Variants in CSMD3 observed in about 807,000 individuals in gnomAD.
CSMD3 encodes CUB and Sushi multiple domains 3.
CSMD3 carries 177 observed loss-of-function variants against 435.2 expected under a neutral mutation model. That is an observed-to-expected ratio of 0.41 (90% confidence interval 0.36 to 0.46). The LOEUF (loss-of-function observed/expected upper bound fraction) is 0.46. Among genes scored for constraint, CSMD3 ranks in the 20% least tolerant of loss-of-function variants. The pLI is 0.34. For missense variants in CSMD3, 4,265 were observed against 4,504.6 expected, an observed-to-expected ratio of 0.95 and a Z score of 1.52; for synonymous variants, 1,656 against 1,520.5, an observed-to-expected ratio of 1.09 and a Z score of -2.07.
At chr8:112,417,557 CTATACATCAGTATTTAGTAAAAAAGA>C in intron 32 of CSMD3, among the ~76,000 whole-genome samples, 1 of 152,118 alleles carries the variant, frequency 6.6e-6, no homozygotes, top group East Asian at 1.9e-4. Flanking sequence ...TGTCTGCTTT[CTATACATCAGTATTTAGTAAAAAAGA>C]TAGAACTGCC....
chr8:112,899,639 A>G (rs1587618413), intron 10 of CSMD3, among the ~76,000 whole-genome samples: 1 of 109,632 alleles, frequency 9.1e-6, no homozygotes, highest in Admixed American at 1.1e-4. Flanking sequence ...ATATGTATAT[A>G]CATATATGTG....
chr8:113,041,006 C>T (rs1308776274), intron 5 of CSMD3, among the ~76,000 whole-genome samples: 3 of 151,754 alleles, frequency 2.0e-5, no homozygotes, highest in Non-Finnish European at 4.4e-5. Flanking sequence ...GATTTCGAGA[C>T]CAGTCTGGTC....
intron 5 of CSMD3, among the ~76,000 whole-genome samples, chr8:113,038,783 T>G (rs2087471242): frequency 6.6e-6 from 1 of 152,322 alleles, no homozygotes; most frequent in East Asian, 1.9e-4. Flanking sequence ...CCTCCCAACA[T>G]GCATTTGCCT....
intron 2 of CSMD3, chr8:113,310,891 A>ATAAATTAAT (rs1455255852): frequency 1.3e-5 from 2 of 151,978 alleles, no homozygotes; most frequent in East Asian, 1.9e-4. Context: ...TTATATCCAC[A>ATAAATTAAT]GGATTAAATA....
intron 1 of CSMD3, among the ~76,000 whole-genome samples, chr8:113,387,134 T>C (rs1156446144): frequency 6.6e-6 from 1 of 151,802 alleles, no homozygotes; most frequent in Non-Finnish European, 1.5e-5. Context: ...GAAATTCAAA[T>C]TATTTTTTAA....
At chr8:113,092,985 A>T (rs1170123275) in intron 5 of CSMD3, among the ~76,000 whole-genome samples, 2 of 152,152 alleles carry the variant, frequency 1.3e-5, no homozygotes, top group African/African-American at 4.8e-5. Flanking sequence ...CAACCATTGG[A>T]AAAAACATGT....
intron 35 of CSMD3, among the ~76,000 whole-genome samples, chr8:112,398,046 A>G (rs1269685672): frequency 6.6e-6 from 1 of 152,176 alleles, no homozygotes; most frequent in Non-Finnish European, 1.5e-5. Flanking sequence ...TACTTTCAAA[A>G]CACAATGATG....
intron 5 of CSMD3, among the ~76,000 whole-genome samples, chr8:113,036,228 A>G (rs981360366): frequency 6.6e-6 from 1 of 152,004 alleles, no homozygotes; most frequent in Non-Finnish European, 1.5e-5. Context: ...GAACATGGTA[A>G]ATGTTGAACA....
intron 33 of CSMD3, 130 bp downstream of exon 33, chr8:112,408,789 A>G (rs984270257): frequency 2.1e-6 from 3 of 1,462,646 alleles, no homozygotes; most frequent in African/African-American, 2.9e-5. Flanking sequence ...TTAGAAAAAA[A>G]AAAGGTGACA....
chr8:112,567,328 C>T (rs896418948), intron 24 of CSMD3, among the ~76,000 whole-genome samples: 1 of 152,138 alleles, frequency 6.6e-6, no homozygotes, highest in African/African-American at 2.4e-5. Context: ...CTCATCTGTA[C>T]TATCTATCCC....
chr8:112,302,823 AT>A (rs964119070), intron 52 of CSMD3, among the ~76,000 whole-genome samples: 7 of 151,580 alleles, frequency 4.6e-5, no homozygotes, highest in African/African-American at 1.7e-4. Flanking sequence ...CCCAAAAAAA[AT>A]CATTTGAGGT....
At chr8:112,400,196 G>C (rs1357192415) in intron 35 of CSMD3, among the ~76,000 whole-genome samples, 1 of 152,124 alleles carries the variant, frequency 6.6e-6, no homozygotes, top group Non-Finnish European at 1.5e-5. Flanking sequence ...GGAAATCAAA[G>C]TTTTCTAAAG....
At chr8:112,459,527 A>G (rs1817229811) in intron 32 of CSMD3, among the ~76,000 whole-genome samples, 1 of 152,146 alleles carries the variant, frequency 6.6e-6, no homozygotes, top group Non-Finnish European at 1.5e-5. Flanking sequence ...TTGTCAGTAC[A>G]TGTAAATGTT....
At chr8:113,128,290 A>G (rs1411645972) in intron 4 of CSMD3, among the ~76,000 whole-genome samples, 4 of 152,068 alleles carry the variant, frequency 2.6e-5, no homozygotes, top group Non-Finnish European at 5.9e-5. Flanking sequence ...AAGAGGAAGG[A>G]AAAGAGGTAG....
At chr8:113,001,584 C>A (rs893923044) in intron 6 of CSMD3, among the ~76,000 whole-genome samples, 1 of 152,066 alleles carries the variant, frequency 6.6e-6, no homozygotes, top group Non-Finnish European at 1.5e-5. Context: ...TCTATTCCAG[C>A]CCCTTCCATT....
At chr8:112,551,269 T>C (rs2131193363) in intron 26 of CSMD3, among the ~76,000 whole-genome samples, 1 of 152,238 alleles carries the variant, frequency 6.6e-6, no homozygotes, top group Admixed American at 6.6e-5. Flanking sequence ...ATTTTTATCT[T>C]AATTTTACAA....
rs538258393 is a variant in CSMD3 at position 112,514,474 on chromosome 8, G to T, written c.4756+2560C>A. ...AGTGTTTTCTGAGGCAGTTATATGG[G>T]CATCAACTATTGATAACTATTTTAA... On this transcript the variant is annotated intron_variant, in intron 28 of 70. Transcript: ENST00000297405. Among the ~76,000 whole-genome samples the T allele has an allele frequency of 4.0e-4, 61 of 152,158 alleles. 1 individual carries two copies. Among genetic ancestry groups the T allele is most frequent in the Middle Eastern group, 6.8e-3 (2 of 294 alleles).
intron 64 of CSMD3, among the ~76,000 whole-genome samples, chr8:112,245,417 GATAA>G (rs1814631701): frequency 6.6e-6 from 1 of 152,010 alleles, no homozygotes; most frequent in South Asian, 2.1e-4. Context: ...GTGTTCTGTG[GATAA>G]ATAAAAAAAA....
rs995721031 is a variant in CSMD3, at chr8:112,662,266, C to T, written c.2816+4011G>A. Among the ~76,000 whole-genome samples the T allele has an allele frequency of 4.4e-4, 67 of 152,262 alleles. 1 individual carries two copies. Among genetic ancestry groups the T allele is most frequent in the African/African-American group, 1.5e-3 (61 of 41,548 alleles). On this transcript the variant is annotated intron_variant, in intron 17 of 70. Coordinates refer to ENST00000297405, the MANE Select transcript of CSMD3 (RefSeq NM_198123.2). Reference sequence around the variant, plus strand: ...CTGGAGGCATCACGCTACCTGACTTCGAACTATACTACAAGGCTACAGTAA... The same window carrying T: ...CTGGAGGCATCACGCTACCTGACTTTGAACTATACTACAAGGCTACAGTAA...
Sources: allele counts gnomAD v4.1 joint callset (sites outside exome capture counted in the v4.1 genomes callset), GRCh38; gene constraint gnomAD v4.1.1; transcripts MANE v1.5; gene names NCBI Gene and HGNC (gene_info 2026-07-23, HGNC 2026-07-21).